MDGA2: variants seen among roughly 807,000 people sequenced by gnomAD.
The protein encoded by MDGA2 is MAM domain-containing glycosylphosphatidylinositol anchor protein 2.
MDGA2 carries 40 observed loss-of-function variants against 117.8 expected under a neutral mutation model. The ratio of observed to expected loss-of-function variants is 0.34; its 90% confidence interval spans 0.26 to 0.44. The LOEUF (loss-of-function observed/expected upper bound fraction) is 0.44. MDGA2 is among the 20% of genes least tolerant of loss of function. The pLI, the probability that MDGA2 is intolerant of heterozygous loss-of-function variation, is 1.00. For synonymous variants in MDGA2, 452 were observed against 439.0 expected, an observed-to-expected ratio of 1.03 and a Z score of -0.37; for missense variants, 1,123 against 1,250.6, an observed-to-expected ratio of 0.90 and a Z score of 1.54.
chr14:47,381,424 C>T (rs1891622835), intron 1 of MDGA2, among the ~76,000 whole-genome samples: 1 of 152,078 alleles, frequency 6.6e-6, no homozygotes, highest in Admixed American at 6.6e-5. Flanking sequence ...TCAAATTGTC[C>T]CTGTTTGCAG....
At position 46,841,168 on chromosome 14, in the gene MDGA2, A is replaced by C. The variant is rs1880593806; in HGVS notation, c.*763T>G. ...GGTGGTTTGGTTTCTTCATTGGAAC[A>C]GATGACGTAGTTTGGGTGTTCAAGT... On this transcript the variant is annotated 3_prime_UTR_variant, in exon 17 of 17. Coordinates refer to ENST00000399232, the MANE Select transcript of MDGA2 (RefSeq NM_001113498.3). 1 of 152,610 alleles carries C rather than the reference A, an allele frequency of 6.6e-6. No homozygotes were observed. Among genetic ancestry groups the C allele is most frequent in the Admixed American group, 6.6e-5 (1 of 15,250 alleles). 9.5% of individuals were successfully genotyped at this position (152,610 alleles called of 1,614,324 possible).
At chr14:47,561,162 TG>T (rs779301642) in intron 1 of MDGA2, among the ~76,000 whole-genome samples, 5,500 of 85,974 alleles carry the variant, frequency 0.064, 738 homozygotes, top group Non-Finnish European at 0.083. Flanking sequence ...TGTTTTGTTT[TG>T]TTTTTTTGTT....
At chr14:47,656,946 A>C (rs1897756151) in intron 1 of MDGA2, among the ~76,000 whole-genome samples, 1 of 152,116 alleles carries the variant, frequency 6.6e-6, no homozygotes, top group Admixed American at 6.6e-5. Flanking sequence ...TCCAAGGCAA[A>C]ATTCAAAGCG....
At chr14:47,456,292 A>G (rs938903170) in intron 1 of MDGA2, among the ~76,000 whole-genome samples, 1 of 109,784 alleles carries the variant, frequency 9.1e-6, no homozygotes, top group East Asian at 4.0e-4. Context: ...AAAATTGTTT[A>G]CCTTTTTTTT....
At chr14:47,087,199 G>A (rs960967213) in intron 6 of MDGA2, among the ~76,000 whole-genome samples, 6 of 151,876 alleles carry the variant, frequency 4.0e-5, no homozygotes, top group African/African-American at 1.5e-4. Flanking sequence ...CATGGATCAC[G>A]GAGCATTTTG....
intron 1 of MDGA2, among the ~76,000 whole-genome samples, chr14:47,514,830 G>A (rs1333517303): frequency 6.6e-6 from 1 of 151,910 alleles, no homozygotes; most frequent in Non-Finnish European, 1.5e-5. Context: ...ATTACAAGGG[G>A]GTCACATCAT....
intron 8 of MDGA2, among the ~76,000 whole-genome samples, chr14:46,992,657 T>C (rs901508043): frequency 1.3e-5 from 2 of 152,156 alleles, no homozygotes; most frequent in Non-Finnish European, 2.9e-5. Context: ...TTGGTACTAC[T>C]TCATAGTAAT....
chr14:46,967,121 GT>G (rs1886067222), intron 8 of MDGA2, among the ~76,000 whole-genome samples: 1 of 147,048 alleles, frequency 6.8e-6, no homozygotes, highest in Admixed American at 7.0e-5. Context: ...AATATAACCT[GT>G]TTTTAAATAT....
intron 6 of MDGA2, 112 bp downstream of exon 6, chr14:47,096,742 T>C (rs1879994471): frequency 1.9e-6 from 2 of 1,059,360 alleles, no homozygotes; most frequent in Admixed American, 4.3e-5. Flanking sequence ...ATTTTATCTG[T>C]ATTTTACAGA....
At chr14:47,619,412 C>T (rs991614785) in intron 1 of MDGA2, among the ~76,000 whole-genome samples, 2 of 152,112 alleles carry the variant, frequency 1.3e-5, no homozygotes, top group Non-Finnish European at 2.9e-5. Context: ...TAGCAAACAG[C>T]TTTAAGTACA....
At chr14:47,379,351 C>T (rs1326378015) in intron 1 of MDGA2, among the ~76,000 whole-genome samples, 1 of 152,180 alleles carries the variant, frequency 6.6e-6, no homozygotes, top group Admixed American at 6.5e-5. Context: ...ATGACAGGAT[C>T]AAATTCATAC....
chr14:47,602,991 T>C (rs1456580891), intron 1 of MDGA2, among the ~76,000 whole-genome samples: 1 of 152,144 alleles, frequency 6.6e-6, no homozygotes, highest in Non-Finnish European at 1.5e-5. Context: ...CTACATTAAG[T>C]AGAGCCTATA....
chr14:47,060,102 G>A (rs1022460723), intron 7 of MDGA2, among the ~76,000 whole-genome samples: 1 of 152,006 alleles, frequency 6.6e-6, no homozygotes, highest in Admixed American at 6.6e-5. Context: ...TTTTAAAAAT[G>A]TTTTTATTGT....
At chr14:47,318,493 T>C (rs1883398907) in intron 1 of MDGA2, among the ~76,000 whole-genome samples, 1 of 152,120 alleles carries the variant, frequency 6.6e-6, no homozygotes, top group South Asian at 2.1e-4. Context: ...ATCATTCATT[T>C]ATGGGTACTC....
chr14:47,529,404 G>C (rs547889988), intron 1 of MDGA2, among the ~76,000 whole-genome samples: 4 of 152,140 alleles, frequency 2.6e-5, no homozygotes, highest in African/African-American at 9.6e-5. Context: ...GAGATACTTT[G>C]ATATAGGCAT....
At chr14:46,859,341 T>C (rs778846875) in intron 14 of MDGA2, among the ~76,000 whole-genome samples, 2 of 152,150 alleles carry the variant, frequency 1.3e-5, no homozygotes, top group Non-Finnish European at 2.9e-5. Context: ...TAAGTCTTGG[T>C]TTTTCTAGTT....
intron 8 of MDGA2, among the ~76,000 whole-genome samples, chr14:46,990,236 T>G (rs1887034307): frequency 6.6e-6 from 1 of 152,110 alleles, no homozygotes; most frequent in Non-Finnish European, 1.5e-5. Context: ...CCCTCTCAGC[T>G]ATTACAAAGT....
At chr14:47,508,855 T>A (rs7152118) in intron 1 of MDGA2, among the ~76,000 whole-genome samples, 108,048 of 150,122 alleles carry the variant, frequency 0.72, 39,578 homozygotes, top group East Asian at 1. Context: ...AATTTTTAAA[T>A]TTTTTTTTGT....
At chr14:46,864,744 G>A (rs1881675551) in intron 14 of MDGA2, among the ~76,000 whole-genome samples, 1 of 151,702 alleles carries the variant, frequency 6.6e-6, no homozygotes, top group African/African-American at 2.4e-5. Flanking sequence ...TTAACAGAAA[G>A]CGTGACTTAA....
Sources: allele counts gnomAD v4.1 joint callset (sites outside exome capture counted in the v4.1 genomes callset), GRCh38; gene constraint gnomAD v4.1.1; transcripts MANE v1.5; gene names NCBI Gene and HGNC (gene_info 2026-07-23, HGNC 2026-07-21).